The following OSBPL9 variants were observed in gnomAD, a reference collection of about 807,000 sequenced individuals.
OSBPL9 encodes oxysterol-binding protein-related protein 9.
Under a neutral mutation model 106.6 loss-of-function variants are expected in OSBPL9, and 40 were observed. That is an observed-to-expected ratio of 0.38 (90% CI 0.29 to 0.49). The LOEUF (loss-of-function observed/expected upper bound fraction) is 0.49. Ranked by LOEUF, OSBPL9 falls within the 20% of genes least tolerant of loss-of-function variation. The probability of loss-of-function intolerance (pLI) is 0.97; values close to 1 mark genes in which losing one functional copy is unlikely to be tolerated. For synonymous variants in OSBPL9, 269 were observed against 295.4 expected (o/e 0.91, Z 0.92); for missense variants, 609 against 887.2 (o/e 0.69, Z 3.98).
At chr1:51,564,660 C>T in the OSBPL9 span, among the ~76,000 whole-genome samples, 1 of 152,224 alleles carries the variant, frequency 6.6e-6, no homozygotes, top group Non-Finnish European at 1.5e-5. Flanking sequence ...AGTCATTCAA[C>T]ACAATTGTGA....
intron 12 of OSBPL9, among the ~76,000 whole-genome samples, chr1:51,769,892 G>A (rs981866303): frequency 6.6e-6 from 1 of 152,026 alleles, no homozygotes; most frequent in African/African-American, 2.4e-5. Context: ...TAGGATTTGG[G>A]GTTTTTAGGT....
chr1:51,603,998 CA>C (rs1643913410), intron 2 of OSBPL9, among the ~76,000 whole-genome samples: 1 of 152,162 alleles, frequency 6.6e-6, no homozygotes, highest in South Asian at 2.1e-4. Context: ...GGGTATTATT[CA>C]ACTCCCTATA....
At chr1:51,633,654 C>G (rs541708947) in intron 1 of OSBPL9, among the ~76,000 whole-genome samples, 1 of 151,934 alleles carries the variant, frequency 6.6e-6, no homozygotes, top group Non-Finnish European at 1.5e-5. Context: ...GGGTCTTGCA[C>G]TCTGTCACGG....
At chr1:51,703,932 T>G (rs1406484133) in intron 3 of OSBPL9, among the ~76,000 whole-genome samples, 1 of 152,214 alleles carries the variant, frequency 6.6e-6, no homozygotes, top group African/African-American at 2.4e-5. Flanking sequence ...ATATGCTGGA[T>G]TACGTTTATT....
chr1:51,750,283 C>A (rs1028635363), intron 8 of OSBPL9, 88 bp downstream of exon 8: 3 of 842,092 alleles, frequency 3.6e-6, no homozygotes, highest in African/African-American at 3.4e-5. Context: ...AAACTCAGAT[C>A]TGAAACATAG....
At chr1:51,623,991 C>T (rs1488840004) in intron 1 of OSBPL9, among the ~76,000 whole-genome samples, 1 of 151,838 alleles carries the variant, frequency 6.6e-6, no homozygotes, top group Non-Finnish European at 1.5e-5. Flanking sequence ...GATCTCCACT[C>T]ACTACCACCT....
chr1:51,653,397 A>G (rs1431141682), intron 2 of OSBPL9, among the ~76,000 whole-genome samples: 1 of 152,126 alleles, frequency 6.6e-6, no homozygotes, highest in East Asian at 1.9e-4. Context: ...GATTTAGGCC[A>G]CTGTCTCATT....
At chr1:51,677,497 G>T (rs1001144679) in intron 3 of OSBPL9, among the ~76,000 whole-genome samples, 1 of 152,064 alleles carries the variant, frequency 6.6e-6, no homozygotes. Context: ...GGGTATGTAT[G>T]TGATTAGTTT....
intron 4 of OSBPL9, among the ~76,000 whole-genome samples, chr1:51,741,518 TC>T (rs757310170): frequency 1.3e-4 from 19 of 148,778 alleles, no homozygotes; most frequent in Non-Finnish European, 2.4e-4. Context: ...CCCTTGCCCT[TC>T]CCTTCCCTCT....
chr1:51,736,808 C>T (rs1665808247), intron 4 of OSBPL9, among the ~76,000 whole-genome samples: 1 of 152,068 alleles, frequency 6.6e-6, no homozygotes, highest in African/African-American at 2.4e-5. Context: ...TACTAGTAAA[C>T]CTCTCAGAGT....
At chr1:51,606,834 G>GT (rs142566303) in intron 2 of OSBPL9, among the ~76,000 whole-genome samples, 179 of 152,222 alleles carry the variant, frequency 1.2e-3, no homozygotes, top group Non-Finnish European at 2.1e-3. Flanking sequence ...AGATCACGAG[G>GT]TCAGGAGATC....
At chr1:51,671,735 G>A (rs1649924699) in intron 3 of OSBPL9, among the ~76,000 whole-genome samples, 1 of 152,082 alleles carries the variant, frequency 6.6e-6, no homozygotes, top group African/African-American at 2.4e-5. Flanking sequence ...CAGGGAGAGG[G>A]GAAGTGTTGA....
chr1:51,540,968 A>G, the OSBPL9 span, among the ~76,000 whole-genome samples: 1 of 147,356 alleles, frequency 6.8e-6, no homozygotes, highest in Non-Finnish European at 1.5e-5. Context: ...CAAAAAAAAA[A>G]AACAAAAAAA....
intron 4 of OSBPL9, among the ~76,000 whole-genome samples, chr1:51,714,907 C>T (rs1311163174): frequency 6.6e-6 from 1 of 152,176 alleles, no homozygotes; most frequent in African/African-American, 2.4e-5. Context: ...TTCATCCTAC[C>T]CAACCCGACC....
intron 3 of OSBPL9, among the ~76,000 whole-genome samples, chr1:51,693,673 T>C (rs1655446346): frequency 6.6e-6 from 1 of 152,200 alleles, no homozygotes; most frequent in South Asian, 2.1e-4. Flanking sequence ...GTCATGTGAA[T>C]TGGTCATTCT....
At chr1:51,561,672 C>A in the OSBPL9 span, 2 of 152,122 alleles carry the variant, frequency 1.3e-5, no homozygotes, top group African/African-American at 4.8e-5. Context: ...TATGCAAAGT[C>A]TTTAATACAG....
At chr1:51,760,624 A>G in intron 9 of OSBPL9, 66 bp from the exon 10 acceptor site, 5 of 1,605,844 alleles carry the variant, frequency 3.1e-6, no homozygotes, top group East Asian at 2.2e-5. Flanking sequence ...AAATGTGGGC[A>G]TTTGGGAGGG....
rs576851512 is a variant in OSBPL9, at chr1:51,761,114, C to T, written c.673+334C>T. Among the ~76,000 whole-genome samples the T allele has an allele frequency of 1.3e-4, 20 of 152,220 alleles. No individual in the cohort carries two copies. The South Asian group carries it at 4.2e-3, about 32-fold the overall frequency. ...ATTACTATACCTTATTCTGGATAAT[C>T]CAGGGATGTTCCGTTTTGGGGTATT... On this transcript the variant is annotated intron_variant, in intron 10 of 23. Transcript: ENST00000428468.
At chr1:51,653,094 G>A (rs1244594276) in intron 2 of OSBPL9, among the ~76,000 whole-genome samples, 3 of 152,134 alleles carry the variant, frequency 2.0e-5, no homozygotes, top group Admixed American at 2.0e-4. Flanking sequence ...GATAGGAGTA[G>A]GTATGGGAGA....
Sources: allele counts gnomAD v4.1 joint callset (sites outside exome capture counted in the v4.1 genomes callset), GRCh38; gene constraint gnomAD v4.1.1; transcripts MANE v1.5; gene names NCBI Gene and HGNC (gene_info 2026-07-23, HGNC 2026-07-21).